The following NCKAP5L variants were observed in gnomAD, a reference collection of about 807,000 sequenced individuals.
The protein encoded by NCKAP5L is nck-associated protein 5-like.
A neutral mutation model predicts 103.2 loss-of-function variants in NCKAP5L; 54 were observed. The observed-to-expected ratio is 0.52, with a 90% CI of 0.42 to 0.66. NCKAP5L has a LOEUF of 0.66. NCKAP5L is among the 30% of genes least tolerant of loss of function. NCKAP5L has a pLI of 0.00. For missense variants in NCKAP5L, 1,733 were observed against 1,750.6 expected, an observed-to-expected ratio of 0.99 and a Z score of 0.18; for synonymous variants, 762 against 748.6, an observed-to-expected ratio of 1.02 and a Z score of -0.29.
chr12:49,812,845 T>C (rs1439069961), intron 1 of NCKAP5L, among the ~76,000 whole-genome samples: 1 of 152,232 alleles, frequency 6.6e-6, no homozygotes, highest in African/African-American at 2.4e-5. Context: ...GGATTGGATC[T>C]AGGTCCCTTG....
rs1946447903 is a variant in NCKAP5L at position 49,828,399 on chromosome 12, A to G, written c.-176T>C. On this transcript the variant is annotated 5_prime_UTR_variant, in exon 1 of 13. Transcript: ENST00000335999. ...GCCGCGGCTTGGGGGCGGGGGGCAG[A>G]GAAAGGGGGGTGCCGGAGCCGCCTC... 2 of 152,760 alleles carry G rather than the reference A, an allele frequency of 1.3e-5. No individual in the cohort carries two copies. The highest frequency in any genetic ancestry group is 4.1e-4 in the South Asian group (2 of 4,826). 9.5% of individuals were successfully genotyped at this position (152,760 alleles called of 1,614,324 possible).
At chr12:49,803,238 T>C in intron 3 of NCKAP5L, 73 bp from the exon 4 acceptor site, 3 of 1,515,302 alleles carry the variant, frequency 2.0e-6, no homozygotes, top group Non-Finnish European at 2.7e-6. Flanking sequence ...CACATTCCTT[T>C]TGGGAAAGGG....
In NCKAP5L at chr12:49,801,970, G is replaced by A. The variant is rs1946124945; in HGVS notation, c.232-3C>T. On this transcript the variant is annotated splice_region_variant and splice_polypyrimidine_tract_variant and intron_variant, in intron 5 of 12. Coordinates refer to ENST00000335999, the MANE Select transcript of NCKAP5L (RefSeq NM_001037806.4). ...TTGATGCACTCCTCTCGCAGGTCCT[G>A]CCGCCCACCCCGGGAAGTGCAGGAA... 6.2e-7 allele frequency: 1 copy of A among 1,613,490 alleles called. No individual in the cohort carries two copies. The highest frequency in any genetic ancestry group is 1.3e-5 in the African/African-American group (1 of 74,918).
In NCKAP5L at chr12:49,794,971, G is replaced by A. The variant is rs377626408; in HGVS notation, c.2889C>T (p.Ala963=). 36 of 1,588,664 alleles carry A rather than the reference G, an allele frequency of 2.3e-5. No individual in the cohort carries two copies. Among genetic ancestry groups the A allele is most frequent in the African/African-American group, 1.2e-4 (9 of 73,894 alleles). The change falls in exon 8 of 13, where the codon GCC becomes GCT. Residue 963 remains alanine, a synonymous_variant. Coordinates refer to ENST00000335999, the MANE Select transcript of NCKAP5L (RefSeq NM_001037806.4). ...TCAGCTTGGAGATGTTGAGGCTCTC[G>A]GCCTCCAGCTTCCGGGCTTCCATCT... The part of the protein sequence containing the change: ...EVKMEARKLE[A]ESLNISKLMA...
rs749166606 is a variant in NCKAP5L, at chr12:49,792,861, G to A, written c.3466C>T (p.Pro1156Ser). Residue 1156 changes from proline to serine, a missense_variant, in exon 11 of 13, where the codon CCT (proline) becomes TCT (serine). Coordinates refer to ENST00000335999, the MANE Select transcript of NCKAP5L (RefSeq NM_001037806.4). This position sits in a 1 kb window ranked among gnomAD's most constrained non-coding sequence, Gnocchi z 4.5. ...KTKPPRLDPPPGVPPARPPPL... is the reference protein window; with the variant it reads ...KTKPPRLDPPSGVPPARPPPL... ...GGGGGCCGAGCTGGGGGTACCCCAGGTGGGGGATCCAGCCGCGGTGGCTTG... is the reference window on the plus strand; with the variant it reads ...GGGGGCCGAGCTGGGGGTACCCCAGATGGGGGATCCAGCCGCGGTGGCTTG... 2 of 1,547,466 alleles carry A rather than the reference G, an allele frequency of 1.3e-6. No individual in the cohort carries two copies. Among genetic ancestry groups the A allele is most frequent in the Non-Finnish European group, 1.7e-6 (2 of 1,151,104 alleles).
chr12:49,824,516 T>C (rs1386862437), intron 1 of NCKAP5L, among the ~76,000 whole-genome samples: 1 of 152,222 alleles, frequency 6.6e-6, no homozygotes, highest in Non-Finnish European at 1.5e-5. Flanking sequence ...CGTAGAAACC[T>C]GCAGAGGAGG....
At position 49,794,833 on chromosome 12, in the gene NCKAP5L, C is replaced by T. The variant is rs1002141732; in HGVS notation, c.3027G>A (p.Gly1009=). ...GPAPGPNTGL[G]QVQGQLAGMY... ...TGCCAGCCAGCTGGCCCTGCACCTGCCCCAGCCCCGTGTTGGGCCCTGGGG... is the reference window on the plus strand; with the variant it reads ...TGCCAGCCAGCTGGCCCTGCACCTGTCCCAGCCCCGTGTTGGGCCCTGGGG... The change falls in exon 8 of 13, where the codon GGG becomes GGA. Residue 1009 remains glycine (G), a synonymous_variant. Transcript: ENST00000335999. 1 of 1,537,058 alleles carries T rather than the reference C, an allele frequency of 6.5e-7. No homozygotes were observed. The highest frequency in any genetic ancestry group is 2.4e-5 in the East Asian group (1 of 41,606).
At position 49,792,198 on chromosome 12, in the gene NCKAP5L, G is replaced by C. The variant is rs1945946966; in HGVS notation, c.3793-147C>G. 3.8e-6 allele frequency: 4 copies of C among 1,039,224 alleles called. No individual in the cohort carries two copies. In the South Asian group the frequency reaches 5.7e-5, roughly 15 times the overall value. 64.4% of individuals were successfully genotyped at this position (1,039,224 alleles called of 1,614,324 possible). A position where few individuals can be genotyped will look rare whatever the true frequency, so the allele number is the denominator to read the frequency against. On this transcript the variant is annotated intron_variant, in intron 12 of 12. Coordinates refer to ENST00000335999, the MANE Select transcript of NCKAP5L (RefSeq NM_001037806.4). The surrounding 1 kb of genome is among the most constrained non-coding windows in gnomAD (Gnocchi z 4.5). ...GGTGGGGTATACTTCAGAGGAAACA[G>C]GCTGGAGGTACAACTGAGAACAGTC...
At position 49,798,461 on chromosome 12, in the gene NCKAP5L, G is replaced by A. The variant is rs749072019; in HGVS notation, c.354C>T (p.Ile118=). 1.3e-6 allele frequency: 2 copies of A among 1,572,026 alleles called. No homozygotes were observed. Among genetic ancestry groups the A allele is most frequent in the South Asian group, 1.2e-5 (1 of 85,638 alleles). Reference sequence around the variant, plus strand: ...ATGGTGGCTGGAGTGGAGTGAGTGGGATCTGCAGAGGGAGAGGCAGAGTTA... The same window carrying A: ...ATGGTGGCTGGAGTGGAGTGAGTGGAATCTGCAGAGGGAGAGGCAGAGTTA... ...LQLTTGSLPQ[I]PLTPLQPPSE... is the part of the protein sequence containing the mutation. Residue 118 remains isoleucine (I), a splice_region_variant and synonymous_variant, in exon 7 of 13, where the codon ATC becomes ATT. Coordinates refer to ENST00000335999, the MANE Select transcript of NCKAP5L (RefSeq NM_001037806.4).
In NCKAP5L at chr12:49,796,656, GC is replaced by G. The variant is rs35983354; in HGVS notation, c.1203del (p.Leu403SerfsTer28). 1 of 1,580,846 alleles carries G rather than the reference GC, an allele frequency of 6.3e-7. No homozygotes were observed. Among genetic ancestry groups the G allele is most frequent in the Admixed American group, 1.9e-5 (1 of 53,962 alleles). ...PGFGATSEGQ[G>X]PLPFLSMFMG... is the part of the protein sequence containing the mutation. ...ATGAACATGCTAAGGAAGGGGAGGGGCCCCTGGCCCTCTGAGGTAGCACCGA... is the reference window on the plus strand; with the variant it reads ...ATGAACATGCTAAGGAAGGGGAGGGGCCCTGGCCCTCTGAGGTAGCACCGA... On this transcript the variant is annotated frameshift_variant, in exon 8 of 13. Coordinates refer to ENST00000335999, the MANE Select transcript of NCKAP5L (RefSeq NM_001037806.4). LOFTEE classifies it high-confidence loss of function.
rs971275019 is a variant in NCKAP5L, at chr12:49,796,007, G to C, written c.1853C>G (p.Pro618Arg). ...TGCCTTGTCCAAACTCTTCTCTTGG[G>C]GGCTCCCATAGGGGTACGATTCTGG... ...CLPESYPYGS[P>R]QEKSLDKAGS... The change falls in exon 8 of 13, where the codon CCC (proline) becomes CGC (arginine). Residue 618 changes from proline (P) to arginine (R), a missense_variant. Physicochemically the swap from Pro to Arg is moderately radical, Grantham distance 103 (BLOSUM62 -2). Coordinates refer to ENST00000335999, the MANE Select transcript of NCKAP5L (RefSeq NM_001037806.4). 1.1e-5 allele frequency: 17 copies of C among 1,541,720 alleles called. No individual in the cohort carries two copies. In the African/African-American group the frequency reaches 2.1e-4, roughly 19 times the overall value.
chr12:49,828,267 AGATCGCCC>A (rs1289733459), intron 1 of NCKAP5L, 47 bp downstream of exon 1: 3 of 152,484 alleles, frequency 2.0e-5, no homozygotes, highest in Admixed American at 2.0e-4. Context: ...CCGGAGCTAC[AGATCGCCC>A]CCCCGCACTC....
chr12:49,791,990 C>T lies in NCKAP5L; in HGVS notation c.3854G>A (p.Gly1285Asp), dbSNP rs746803885. 1.9e-6 allele frequency: 3 copies of T among 1,601,256 alleles called. No individual in the cohort carries two copies. The highest frequency in any genetic ancestry group is 3.4e-5 in the Admixed American group (2 of 58,488). ...GGTGCGGCTACCCCCGAAAGGTGGG[C>T]CCTGGGGCGTAGGGGACGGGCGGCT... ...EPSRPSPTPQ[G>D]PPFGGSRTPS... is the part of the protein sequence containing the mutation. Residue 1285 changes from glycine to aspartate, a missense_variant, in exon 13 of 13, where the codon GGC becomes GAC. By Grantham distance (94) the Gly-to-Asp change is moderately conservative. Coordinates refer to ENST00000335999, the MANE Select transcript of NCKAP5L (RefSeq NM_001037806.4).
In NCKAP5L at chr12:49,796,976, C is replaced by A. The variant is rs763694283; in HGVS notation, c.884G>T (p.Gly295Val). ...ATCAGAAGAGGAGGAGGAGCTGCTG[C>A]CTGGGGCACAGTTTGGGCCAGAGCT... ...GTSSGPNCAP[G>V]SSSSSSSDEA... Residue 295 changes from glycine (G) to valine (V), a missense_variant, in exon 8 of 13, where the codon GGC becomes GTC. By Grantham distance (109) the Gly-to-Val change is moderately radical (BLOSUM62 -3). Transcript: ENST00000335999. The A allele has an allele frequency of 3.8e-6, 6 of 1,599,446 alleles. No individual in the cohort carries two copies. The African/African-American group carries it at 6.7e-5, about 18-fold the overall frequency.
Position 49,794,605 on chromosome 12 carries a change from A to ACCCC in NCKAP5L, c.3095+156_3095+159dup, listed in dbSNP as rs1555147580. Among the ~76,000 whole-genome samples, 979 of 115,712 alleles carry ACCCC rather than the reference A, an allele frequency of 8.5e-3. 56 individuals are homozygous for ACCCC. Among genetic ancestry groups the ACCCC allele is most frequent in the East Asian group, 0.05 (193 of 3,880 alleles). 75.9% of individuals were successfully genotyped at this position (115,712 alleles called of 152,430 possible). ...ATCTTTCCTCCAGGCCAAGTCACTG[A>ACCCC]CCCCCCCACCAGCTGCTTTGGTGGC... On this transcript the variant is annotated intron_variant, in intron 8 of 12. Transcript: ENST00000335999.
intron 1 of NCKAP5L, among the ~76,000 whole-genome samples, chr12:49,820,699 G>C (rs1946351833): frequency 6.6e-6 from 1 of 152,182 alleles, no homozygotes; most frequent in South Asian, 2.1e-4. Context: ...CCAGTGCTCA[G>C]CTAGTGGGCA....
At chr12:49,803,206 G>C (rs1328044234) in intron 3 of NCKAP5L, 41 bp from the exon 4 acceptor site, 1 of 1,605,558 alleles carries the variant, frequency 6.2e-7, no homozygotes, top group Non-Finnish European at 8.5e-7. Flanking sequence ...AGGTGGCTTT[G>C]GGGATTATTC....
chr12:49,810,228 G>A (rs928551861), intron 1 of NCKAP5L, among the ~76,000 whole-genome samples: 1 of 152,132 alleles, frequency 6.6e-6, no homozygotes, highest in Non-Finnish European at 1.5e-5. Context: ...GACACAATGG[G>A]TTTATTTATA....
intron 1 of NCKAP5L, among the ~76,000 whole-genome samples, chr12:49,825,401 A>T (rs189423065): frequency 5.9e-5 from 9 of 152,276 alleles, no homozygotes; most frequent in Admixed American, 3.3e-4. Flanking sequence ...TAGAAAGGGC[A>T]CTTGTTTTGA....
Sources: allele counts gnomAD v4.1 joint callset (sites outside exome capture counted in the v4.1 genomes callset), GRCh38; gene constraint gnomAD v4.1.1; non-coding constraint Gnocchi (gnomAD v3.1); transcripts MANE v1.5; gene names NCBI Gene and HGNC (gene_info 2026-07-23, HGNC 2026-07-21).